The following FRMD4A variants were observed in gnomAD, a reference collection of about 807,000 sequenced individuals.
FRMD4A encodes FERM domain containing 4A, also known as FERM domain-containing protein 4A.
FRMD4A carries 29 observed loss-of-function variants against 129.1 expected under a neutral mutation model. The ratio of observed to expected loss-of-function variants is 0.22; its 90% CI spans 0.17 to 0.31. The LOEUF is 0.31. Among genes scored for constraint, FRMD4A ranks in the 10% least tolerant of loss-of-function variants. FRMD4A has a pLI of 1.00. For synonymous variants in FRMD4A, 634 were observed against 571.6 expected (o/e 1.11, Z -1.56); for missense variants, 1,272 against 1,375.8 (o/e 0.92, Z 1.19).
chr10:14,181,581 C>T (rs140086760), intron 2 of FRMD4A, among the ~76,000 whole-genome samples: 162 of 152,178 alleles, frequency 1.1e-3, no homozygotes, highest in African/African-American at 3.7e-3. Flanking sequence ...AAGAATTGTG[C>T]GACAGAAATT....
intron 2 of FRMD4A, among the ~76,000 whole-genome samples, chr10:14,220,808 G>T (rs1408886223): frequency 7.5e-3 from 129 of 17,238 alleles, no homozygotes; most frequent in African/African-American, 0.01. Flanking sequence ...GTGTGTGTGT[G>T]TGTTTGTGTG....
chr10:14,033,767 A>G (rs6602698), intron 2 of FRMD4A, among the ~76,000 whole-genome samples: 137,025 of 150,820 alleles, frequency 0.91, 62,942 homozygotes, highest in Non-Finnish European at 0.97. Context: ...CCTGAGCAAC[A>G]TAGCAAAACT....
chr10:14,037,392 AT>A (rs1444584351), intron 2 of FRMD4A, among the ~76,000 whole-genome samples: 2 of 152,046 alleles, frequency 1.3e-5, no homozygotes, highest in Non-Finnish European at 2.9e-5. Flanking sequence ...TAATTTTTGT[AT>A]TTTTAGTAGA....
At position 13,643,878 on chromosome 10, in the gene FRMD4A, A is replaced by C. The variant is rs1179222407; in HGVS notation, c.*3160T>G. 2.6e-5 allele frequency: 4 copies of C among 152,688 alleles called. No individual in the cohort carries two copies. The highest frequency in any genetic ancestry group is 4.8e-5 in the African/African-American group (2 of 41,468). 9.5% of individuals were successfully genotyped at this position (152,688 alleles called of 1,614,324 possible). On this transcript the variant is annotated 3_prime_UTR_variant, in exon 25 of 25. Coordinates refer to ENST00000357447, the MANE Select transcript of FRMD4A (RefSeq NM_018027.5). ...TTTTCATTGATTACAGTTGAACAGA[A>C]TCCAGTAAAATCATTTTACATGCTC... is the stretch of plus-strand genomic sequence containing the variant.
intron 2 of FRMD4A, among the ~76,000 whole-genome samples, chr10:14,019,493 A>C (rs533035323): frequency 1.3e-5 from 2 of 152,330 alleles, no homozygotes; most frequent in Non-Finnish European, 2.9e-5. Context: ...ATGCCAATAT[A>C]TTCAGTAGAC....
chr10:13,780,264 C>G (rs182921709), intron 6 of FRMD4A, among the ~76,000 whole-genome samples: 13 of 151,524 alleles, frequency 8.6e-5, no homozygotes, highest in Admixed American at 2.0e-4. Context: ...GAGGCGGAGG[C>G]TGCAGTGAGC....
chr10:13,992,222 A>T (rs1487927043), intron 2 of FRMD4A, among the ~76,000 whole-genome samples: 1 of 152,254 alleles, frequency 6.6e-6, no homozygotes, highest in Admixed American at 6.5e-5. Flanking sequence ...ATGCCTAGAC[A>T]TGCCTGGAGC....
At chr10:13,855,278 G>A (rs10906518) in intron 3 of FRMD4A, among the ~76,000 whole-genome samples, 69,696 of 151,896 alleles carry the variant, frequency 0.46, 15,977 homozygotes, top group East Asian at 0.64. Context: ...AGAGGCAAAT[G>A]GGGAGTCGGT....
Position 14,039,380 on chromosome 10 carries a change from A to G in FRMD4A, c.46-180468T>C, listed in dbSNP as rs970934388. Among the ~76,000 whole-genome samples, 222 of 112,476 alleles carry G rather than the reference A, an allele frequency of 2.0e-3. 1 individual carries two copies. Among genetic ancestry groups the G allele is most frequent in the Admixed American group, 8.9e-3 (102 of 11,420 alleles). The allele number at this position is 112,476 out of a possible 152,430, so 73.8% of individuals were successfully genotyped here. On this transcript the variant is annotated intron_variant, in intron 2 of 24. Transcript: ENST00000357447. ...GATCTGTCCGTCCGTCCATCCATCC[A>G]TCCATCCATCCATCCATCCATCCAT...
intron 2 of FRMD4A, among the ~76,000 whole-genome samples, chr10:13,923,138 C>G (rs773284909): frequency 2.6e-5 from 4 of 152,110 alleles, no homozygotes; most frequent in Non-Finnish European, 5.9e-5. Context: ...TGGTCTGTAT[C>G]GAGTGAGGTT....
chr10:13,937,868 T>C (rs1417365414), intron 2 of FRMD4A, among the ~76,000 whole-genome samples: 1 of 152,234 alleles, frequency 6.6e-6, no homozygotes, highest in Non-Finnish European at 1.5e-5. Context: ...TCAATTTCAT[T>C]CTTCACTGTT....
At chr10:14,187,119 A>AAAGGAAAGAAGGAAAGAAGGAAGG (rs1564373275) in intron 2 of FRMD4A, among the ~76,000 whole-genome samples, 1 of 146,992 alleles carries the variant, frequency 6.8e-6, no homozygotes, top group African/African-American at 2.5e-5. Flanking sequence ...GCTCTGTCTC[A>AAAGGAAAGAAGGAAAGAAGGAAGG]AAGGAAAGAA....
chr10:13,914,589 A>G (rs1699854328), intron 2 of FRMD4A, among the ~76,000 whole-genome samples: 1 of 152,220 alleles, frequency 6.6e-6, no homozygotes, highest in South Asian at 2.1e-4. Flanking sequence ...AATGACAAAA[A>G]CTTAGCTTAA....
chr10:14,205,345 T>C (rs1396376515), intron 2 of FRMD4A, among the ~76,000 whole-genome samples: 1 of 152,138 alleles, frequency 6.6e-6, no homozygotes, highest in Non-Finnish European at 1.5e-5. Context: ...GAAAGTTCTC[T>C]CGGCCATGGG....
chr10:14,096,138 C>T (rs192118941), intron 2 of FRMD4A, among the ~76,000 whole-genome samples: 218 of 152,262 alleles, frequency 1.4e-3, no homozygotes, highest in African/African-American at 5.0e-3. Context: ...GTGAGACTTT[C>T]GGGGCTGATT....
At chr10:13,916,732 G>A (rs993510125) in intron 2 of FRMD4A, among the ~76,000 whole-genome samples, 2 of 152,052 alleles carry the variant, frequency 1.3e-5, no homozygotes, top group African/African-American at 4.8e-5. Flanking sequence ...GTCTCATGCC[G>A]ATCATGCTGA....
At chr10:14,150,059 C>T (rs1022660053) in intron 2 of FRMD4A, among the ~76,000 whole-genome samples, 1 of 152,094 alleles carries the variant, frequency 6.6e-6, no homozygotes, top group East Asian at 1.9e-4. Flanking sequence ...GAAGGAAATG[C>T]TACGTACTTT....
chr10:13,776,657 G>T (rs1352084379), intron 6 of FRMD4A, among the ~76,000 whole-genome samples: 2 of 152,186 alleles, frequency 1.3e-5, no homozygotes, highest in Non-Finnish European at 2.9e-5. Context: ...AAAAGTGAAT[G>T]AAATTGAACT....
chr10:13,717,619 T>A (rs2088942079), intron 12 of FRMD4A, among the ~76,000 whole-genome samples: 1 of 538 alleles, frequency 1.9e-3, no homozygotes, highest in Non-Finnish European at 5.3e-3. Context: ...CGGCTAAATT[T>A]TTTTTTTTTT....
Sources: allele counts gnomAD v4.1 joint callset (sites outside exome capture counted in the v4.1 genomes callset), GRCh38; gene constraint gnomAD v4.1.1; transcripts MANE v1.5; gene names NCBI Gene and HGNC (gene_info 2026-07-23, HGNC 2026-07-21).